FRAS1: variants seen among roughly 807,000 people sequenced by gnomAD.
FRAS1 encodes the protein Fraser extracellular matrix complex subunit 1, also known as extracellular matrix organizing protein FRAS1.
FRAS1 carries 290 observed loss-of-function variants against 435.2 expected under a neutral mutation model. That is an observed-to-expected ratio of 0.67 (90% CI 0.61 to 0.73). The LOEUF (loss-of-function observed/expected upper bound fraction) is 0.73, where lower values mean the gene tolerates loss of function less well. Ranked by LOEUF, FRAS1 falls within the 30% of genes least tolerant of loss-of-function variation. FRAS1 has a pLI of 0.00. For missense variants in FRAS1, 4,860 were observed against 5,001.5 expected (o/e 0.97, Z 0.85); for synonymous variants, 1,800 against 1,851.0 (o/e 0.97, Z 0.71).
chr4:78,136,821 A>G (rs1439821848), intron 2 of FRAS1, among the ~76,000 whole-genome samples: 1 of 152,178 alleles, frequency 6.6e-6, no homozygotes, highest in Non-Finnish European at 1.5e-5. Flanking sequence ...GGAGATGATG[A>G]CACTAAATAG....
Position 78,281,444 on chromosome 4 carries a change from C to A in FRAS1, c.1107+11C>A. On this transcript the variant is annotated intron_variant, in intron 11 of 73. Transcript: ENST00000512123. ...GTTAAACGTATTCCAGTAAGTATAG[C>A]TTTTTAACTTGCACGTAGATCATTA... 1.3e-6 allele frequency: 2 copies of A among 1,533,992 alleles called. No individual in the cohort carries two copies. The highest frequency in any genetic ancestry group is 1.8e-6 in the Non-Finnish European group (2 of 1,131,336).
chr4:78,341,458 G>A (rs1578263026), intron 20 of FRAS1, among the ~76,000 whole-genome samples: 2 of 152,144 alleles, frequency 1.3e-5, no homozygotes, highest in African/African-American at 4.8e-5. Context: ...TCTTTAGGAG[G>A]TAGCTGCAGA....
intron 30 of FRAS1, among the ~76,000 whole-genome samples, chr4:78,402,193 C>T (rs1427564546): frequency 6.6e-6 from 1 of 151,858 alleles, no homozygotes; most frequent in East Asian, 1.9e-4. Flanking sequence ...CTAAATTGAT[C>T]ATGTGAAAAT....
At chr4:78,444,097 C>T (rs1321575113) in intron 41 of FRAS1, 1 of 444,362 alleles carries the variant, frequency 2.3e-6, no homozygotes, top group Non-Finnish European at 4.5e-6. Context: ...TCAAGCAATC[C>T]TCCTGCCTTG....
At chr4:78,113,850 A>C (rs1017163365) in intron 2 of FRAS1, among the ~76,000 whole-genome samples, 2 of 152,116 alleles carry the variant, frequency 1.3e-5, no homozygotes, top group Admixed American at 6.5e-5. Flanking sequence ...CCATTTGTCA[A>C]TTTTGGCTTT....
intron 69 of FRAS1, among the ~76,000 whole-genome samples, chr4:78,523,386 T>A (rs1721446228): frequency 6.6e-6 from 1 of 152,144 alleles, no homozygotes; most frequent in Non-Finnish European, 1.5e-5. Context: ...ATTAAGCCCA[T>A]GTGTCGTTTA....
At chr4:78,233,600 AT>A (rs1724604943) in intron 2 of FRAS1, among the ~76,000 whole-genome samples, 1 of 152,250 alleles carries the variant, frequency 6.6e-6, no homozygotes, top group African/African-American at 2.4e-5. Context: ...TGGTCCCTTA[AT>A]AAGTGCCAGA....
rs756591850 is a variant in FRAS1, at chr4:78,448,223, C to G, written c.6181C>G (p.His2061Asp). The G allele has an allele frequency of 1.9e-6, 3 of 1,543,888 alleles. No individual in the cohort carries two copies. Among genetic ancestry groups the G allele is most frequent in the Non-Finnish European group, 2.6e-6 (3 of 1,143,264 alleles). ...EFQFSLTDGL[H>D]VDTGRMKIYT... is the part of the protein sequence containing the mutation. ...CCAGTTCTCCCTCACTGATGGCCTC[C>G]ACGTGGACACAGGGAGGATGAAGAT... Residue 2061 changes from histidine (H) to aspartate (D), a missense_variant, in exon 44 of 74, where the codon CAC becomes GAC. Transcript: ENST00000512123.
chr4:78,513,573 A>G, intron 65 of FRAS1, 21 bp downstream of exon 65: 4 of 1,609,824 alleles, frequency 2.5e-6, no homozygotes, highest in Non-Finnish European at 3.4e-6. Flanking sequence ...CAAGTTCAGG[A>G]CTGGTCTTTC....
intron 32 of FRAS1, among the ~76,000 whole-genome samples, chr4:78,414,973 C>T (rs1031374752): frequency 1.3e-5 from 2 of 152,198 alleles, no homozygotes. Context: ...CAGAAGCTTC[C>T]TCTGGGGGTG....
chr4:78,171,057 C>T (rs147364198), intron 2 of FRAS1, among the ~76,000 whole-genome samples: 70 of 152,152 alleles, frequency 4.6e-4, no homozygotes, highest in African/African-American at 1.5e-3. Context: ...TTAGGGCTCA[C>T]GAATCTCTTT....
intron 31 of FRAS1, among the ~76,000 whole-genome samples, chr4:78,411,381 G>A (rs1365820267): frequency 6.6e-6 from 1 of 151,968 alleles, no homozygotes; most frequent in African/African-American, 2.4e-5. Flanking sequence ...CAAAGTGCTG[G>A]GATTACAGGC....
At chr4:78,472,377 G>A in intron 52 of FRAS1, 47 bp downstream of exon 52, 1 of 1,496,862 alleles carries the variant, frequency 6.7e-7, no homozygotes, top group Non-Finnish European at 9.0e-7. Context: ...CTATGCTAAT[G>A]TCACACTGCC....
chr4:78,523,814 C>T (rs182241885), intron 69 of FRAS1, among the ~76,000 whole-genome samples: 283 of 152,278 alleles, frequency 1.9e-3, no homozygotes, highest in African/African-American at 5.0e-3. Context: ...ATCTTCATTG[C>T]CACTTGGATG....
intron 22 of FRAS1, 94 bp downstream of exon 22, chr4:78,364,148 C>T: frequency 7.5e-7 from 1 of 1,331,082 alleles, no homozygotes; most frequent in South Asian, 1.5e-5. Flanking sequence ...TCCATCTTCT[C>T]ACCTGGTAGC....
At chr4:78,124,448 T>A (rs1031196181) in intron 2 of FRAS1, among the ~76,000 whole-genome samples, 1 of 152,214 alleles carries the variant, frequency 6.6e-6, no homozygotes, top group Admixed American at 6.5e-5. Context: ...TTTTGTTGTG[T>A]CTCTGCCAGG....
At chr4:78,129,356 A>G (rs1231768354) in intron 2 of FRAS1, among the ~76,000 whole-genome samples, 2 of 152,214 alleles carry the variant, frequency 1.3e-5, no homozygotes, top group African/African-American at 4.8e-5. Flanking sequence ...GAAAGCCTAG[A>G]GAATATGTTG....
intron 45 of FRAS1, 34 bp downstream of exon 45, chr4:78,450,373 G>A (rs571580729): frequency 1.4e-4 from 225 of 1,551,872 alleles, no homozygotes; most frequent in East Asian, 3.1e-4. Context: ...CCAGGCTTCC[G>A]TGGACTGCAC....
At chr4:78,430,529 T>A in intron 37 of FRAS1, 112 bp downstream of exon 37, 2 of 1,091,966 alleles carry the variant, frequency 1.8e-6, no homozygotes, top group East Asian at 5.3e-5. Context: ...ATACAGACTA[T>A]GAGGAGCTAT....
Sources: allele counts gnomAD v4.1 joint callset (sites outside exome capture counted in the v4.1 genomes callset), GRCh38; gene constraint gnomAD v4.1.1; transcripts MANE v1.5; gene names NCBI Gene and HGNC (gene_info 2026-07-23, HGNC 2026-07-21).